Variants in XPR1 observed in about 807,000 individuals in gnomAD.
XPR1 encodes xenotropic and polytropic retrovirus receptor 1.
Under a neutral mutation model 87.5 loss-of-function variants are expected in XPR1, and 28 were observed. That is an observed-to-expected ratio of 0.32 (90% CI 0.24 to 0.44). The LOEUF is 0.44. XPR1 is among the 20% of genes least tolerant of loss of function. The probability of loss-of-function intolerance (pLI) is 1.00; values close to 1 mark genes in which losing one functional copy is unlikely to be tolerated. For synonymous variants in XPR1, 300 were observed against 306.1 expected (o/e 0.98, Z 0.21); for missense variants, 559 against 862.3 (o/e 0.65, Z 4.41).
intron 2 of XPR1, among the ~76,000 whole-genome samples, chr1:180,693,326 T>A (rs1657053505): frequency 6.6e-6 from 1 of 152,192 alleles, no homozygotes. Context: ...GAAAGAAGCA[T>A]ATGAAGTTGT....
At chr1:180,749,243 A>G (rs547860058) in intron 2 of XPR1, among the ~76,000 whole-genome samples, 27 of 152,370 alleles carry the variant, frequency 1.8e-4, no homozygotes, top group South Asian at 6.2e-4. Flanking sequence ...GAAAATGCCA[A>G]TGAAGCAGAT....
rs191428065 is a variant in XPR1 at position 180,733,904 on chromosome 1, C to T, written c.121+51493C>T. 2.9e-3 allele frequency among the ~76,000 whole-genome samples: 441 copies of T among 152,276 alleles called. 3 individuals carry two copies. The highest frequency in any genetic ancestry group is 9.6e-3 in the African/African-American group (399 of 41,542). Reference sequence around the variant, plus strand: ...GCTGATATTTTTAGTGCTTCCTGTACATCAGGCATTTCACTAAATGCTTTA... The same window carrying T: ...GCTGATATTTTTAGTGCTTCCTGTATATCAGGCATTTCACTAAATGCTTTA... On this transcript the variant is annotated intron_variant, in intron 2 of 14. Transcript: ENST00000367590.
At chr1:180,880,319 G>A (rs768136047) in intron 14 of XPR1, 22 bp downstream of exon 14, 3 of 1,612,934 alleles carry the variant, frequency 1.9e-6, no homozygotes, top group Non-Finnish European at 2.5e-6. Context: ...TTCTACTTCT[G>A]TGAGGCATAT....
chr1:180,724,390 TAATG>T (rs2102000829), intron 2 of XPR1, among the ~76,000 whole-genome samples: 1 of 152,320 alleles, frequency 6.6e-6, no homozygotes, highest in African/African-American at 2.4e-5. Flanking sequence ...AGTATAATAG[TAATG>T]AATAATGAAT....
At chr1:180,677,097 G>A (rs1656392143) in intron 1 of XPR1, among the ~76,000 whole-genome samples, 1 of 152,154 alleles carries the variant, frequency 6.6e-6, no homozygotes, top group African/African-American at 2.4e-5. Flanking sequence ...TGACTACCTG[G>A]AGGTAGTACA....
intron 1 of XPR1, among the ~76,000 whole-genome samples, chr1:180,649,236 T>C (rs2101902363): frequency 6.6e-6 from 1 of 150,748 alleles, no homozygotes; most frequent in East Asian, 2.0e-4. Context: ...CCATCCTGCC[T>C]AAGACACTGA....
intron 2 of XPR1, among the ~76,000 whole-genome samples, chr1:180,752,400 C>A (rs1203556870): frequency 6.6e-6 from 1 of 151,728 alleles, no homozygotes; most frequent in Non-Finnish European, 1.5e-5. Flanking sequence ...GGAAGTTTAC[C>A]ATAAAACTGG....
chr1:180,778,172 C>CT (rs1307254855), intron 2 of XPR1, among the ~76,000 whole-genome samples: 1 of 151,934 alleles, frequency 6.6e-6, no homozygotes, highest in Non-Finnish European at 1.5e-5. Flanking sequence ...TTTTTAGAGA[C>CT]TGGGTCTCCC....
At chr1:180,735,458 A>G (rs1012970722) in intron 2 of XPR1, among the ~76,000 whole-genome samples, 5 of 152,194 alleles carry the variant, frequency 3.3e-5, no homozygotes, top group Non-Finnish European at 2.9e-5. Context: ...GTTCTTCAGA[A>G]TTTTTATTTC....
rs368572705 is a variant in XPR1, at chr1:180,656,509, T to TATATA, written c.69+24239_69+24240insATATA. Among the ~76,000 whole-genome samples the TATATA allele has an allele frequency of 1.9e-3, 9 of 4,850 alleles. 1 individual carries two copies. The highest frequency in any genetic ancestry group is 0.062 in the East Asian group (1 of 16). The allele number at this position is 4,850 out of a possible 152,430, so 3.2% of individuals were successfully genotyped here. A position where few individuals can be genotyped will look rare whatever the true frequency, so the allele number is the denominator to read the frequency against. Reference sequence around the variant, plus strand: ...TAATATTTATATATTATATATAATATTTATATATAATATTTATATATTATA... The same window carrying TATATA: ...TAATATTTATATATTATATATAATATATATATTATATATAATATTTATATATTATA... On this transcript the variant is annotated intron_variant, in intron 1 of 14. Coordinates refer to ENST00000367590, the MANE Select transcript of XPR1 (RefSeq NM_004736.4).
At chr1:180,826,393 A>T (rs1472667677) in intron 9 of XPR1, among the ~76,000 whole-genome samples, 2 of 152,040 alleles carry the variant, frequency 1.3e-5, no homozygotes, top group African/African-American at 2.4e-5. Context: ...TACAAAAATT[A>T]AAAAATTAGC....
intron 2 of XPR1, among the ~76,000 whole-genome samples, chr1:180,769,801 G>T (rs535074844): frequency 6.6e-6 from 1 of 152,178 alleles, no homozygotes; most frequent in South Asian, 2.1e-4. Context: ...CCAGCAGTGG[G>T]ATTGCTGGGT....
intron 2 of XPR1, among the ~76,000 whole-genome samples, chr1:180,690,791 G>T (rs1460149962): frequency 6.6e-6 from 1 of 150,456 alleles, no homozygotes; most frequent in African/African-American, 2.5e-5. Flanking sequence ...AAATAGGCAT[G>T]TAGTTTACAT....
chr1:180,879,959 G>T, intron 13 of XPR1, 117 bp from the exon 14 acceptor site: 1 of 1,049,154 alleles, frequency 9.5e-7, no homozygotes. Context: ...TAATATTCAA[G>T]CCCTTAATTC....
intron 14 of XPR1, among the ~76,000 whole-genome samples, chr1:180,881,979 G>C (rs1652863615): frequency 6.6e-6 from 1 of 152,192 alleles, no homozygotes; most frequent in Non-Finnish European, 1.5e-5. Context: ...AAGAAGCTGG[G>C]GCAGGGGAGC....
At chr1:180,656,429 AT>A (rs1655486696) in intron 1 of XPR1, among the ~76,000 whole-genome samples, 1 of 47,110 alleles carries the variant, frequency 2.1e-5, no homozygotes, top group African/African-American at 8.2e-5. Flanking sequence ...ATAAATATTT[AT>A]ATATTTATAT....
rs1311766419 is a variant in XPR1 at position 180,647,898 on chromosome 1, T to C, written c.69+15628T>C. On this transcript the variant is annotated intron_variant, in intron 1 of 14. Coordinates refer to ENST00000367590, the MANE Select transcript of XPR1 (RefSeq NM_004736.4). The stretch of plus-strand genomic sequence containing the variant: ...CCTGGGTGACAGAGTGAGACTCTTA[T>C]CTGCAAAAAAAAAAAAAAAAAAAAA... Among the ~76,000 whole-genome samples, 6 of 102,708 alleles carry C rather than the reference T, an allele frequency of 5.8e-5. No homozygotes were observed. In the East Asian group the frequency reaches 1.4e-3, roughly 23 times the overall value. The allele number at this position is 102,708 out of a possible 152,430, so 67.4% of individuals were successfully genotyped here.
chr1:180,880,608 T>C (rs1301543236), intron 14 of XPR1, among the ~76,000 whole-genome samples: 1 of 152,230 alleles, frequency 6.6e-6, no homozygotes. Flanking sequence ...TGTATGCAAA[T>C]AATTTTTATG....
chr1:180,810,293 A>C (rs1650162172), intron 6 of XPR1, among the ~76,000 whole-genome samples: 1 of 152,190 alleles, frequency 6.6e-6, no homozygotes, highest in Non-Finnish European at 1.5e-5. Context: ...AAATTACCCC[A>C]GTATGGGCTG....
Sources: gnomAD v4.1 joint callset for allele counts (sites outside exome capture counted in the v4.1 genomes callset) on GRCh38, gnomAD v4.1.1 for gene constraint, MANE v1.5 for transcripts, NCBI Gene and HGNC (gene_info 2026-07-23, HGNC 2026-07-21) for gene names.